The following NUDT10 variants were observed in gnomAD, a reference collection of about 807,000 sequenced individuals.
NUDT10 encodes the protein nudix hydrolase 10.
In NUDT10, 2 loss-of-function variants were observed where a neutral mutation model predicts 10.5. That is an observed-to-expected ratio of 0.19 (90% CI 0.08 to 0.60). NUDT10 has a LOEUF of 0.60. Ranked by LOEUF, NUDT10 falls within the 20% of genes least tolerant of loss-of-function variation. The pLI, the probability that NUDT10 is intolerant of heterozygous loss-of-function variation, is 0.89. For synonymous variants in NUDT10, 53 were observed against 71.8 expected (o/e 0.74, Z 1.32); for missense variants, 75 against 149.5 (o/e 0.50, Z 2.60).
rs1922869987 is a variant in NUDT10 at position 51,337,318 on chromosome X, C to T, written c.*1079C>T. On this transcript the variant is annotated 3_prime_UTR_variant, in exon 2 of 2. Transcript: ENST00000356450. Reference sequence around the variant, plus strand: ...AAAGAAGGGTCCTCATCTACATTCTCAAACATCTGTGGCTGATATGATATG... The same window carrying T: ...AAAGAAGGGTCCTCATCTACATTCTTAAACATCTGTGGCTGATATGATATG... The T allele has an allele frequency of 8.9e-6, 1 of 111,808 alleles. No homozygotes were observed. The highest frequency in any genetic ancestry group is 9.5e-5 in the Admixed American group (1 of 10,535). The allele number at this position is 111,808 out of a possible 1,213,427, so 9.2% of individuals were successfully genotyped here.
chrX:51,337,337 T>C lies in NUDT10; in HGVS notation c.*1098T>C, dbSNP rs1922871363. The C allele has an allele frequency of 8.9e-6, 1 of 111,796 alleles. No individual in the cohort carries two copies. The highest frequency in any genetic ancestry group is 1.9e-5 in the Non-Finnish European group (1 of 53,183). 9.2% of individuals were successfully genotyped at this position (111,796 alleles called of 1,213,427 possible). A position where few individuals can be genotyped will look rare whatever the true frequency, so the allele number is the denominator to read the frequency against. On this transcript the variant is annotated 3_prime_UTR_variant, in exon 2 of 2. Coordinates refer to ENST00000356450, the MANE Select transcript of NUDT10 (RefSeq NM_001304963.2). The stretch of plus-strand genomic sequence containing the variant: ...CATTCTCAAACATCTGTGGCTGATA[T>C]GATATGATTCTTGGAATTTGCTTCA...
rs781783705 is a variant in NUDT10, at chrX:51,333,009, G to T, written c.44G>T (p.Gly15Val). ...CAGACACGGACCTACGACCCCGAGG[G>T]GTTCAAGAAGCGGGCGGCGTGCCTG... is the stretch of plus-strand genomic sequence containing the variant. ...PNQTRTYDPE[G>V]FKKRAACLCF... is the part of the protein sequence containing the mutation. Residue 15 changes from glycine to valine, a missense_variant, in exon 1 of 2, where the codon GGG becomes GTG. Transcript: ENST00000356450. 2 of 1,211,657 alleles carry T rather than the reference G, an allele frequency of 1.7e-6. No homozygotes were observed. Among genetic ancestry groups the T allele is most frequent in the South Asian group, 3.5e-5 (2 of 56,956 alleles).
At chrX:51,332,600 G>A (rs1337294978), upstream of NUDT10, among the ~76,000 whole-genome samples, 2 of 112,994 alleles carry the variant, frequency 1.8e-5, no homozygotes, top group African/African-American at 3.2e-5. Context: ...GAACGGGAGC[G>A]CGGACGCGCC....
At chrX:51,335,458 T>C (rs1331061992) in intron 1 of NUDT10, among the ~76,000 whole-genome samples, 1 of 112,032 alleles carries the variant, frequency 8.9e-6, no homozygotes, top group Non-Finnish European at 1.9e-5. Context: ...TTGCTCTGGA[T>C]GGTTAACATA....
intron 1 of NUDT10, among the ~76,000 whole-genome samples, chrX:51,334,976 C>T (rs1414769867): frequency 9.1e-6 from 1 of 110,350 alleles, no homozygotes. Flanking sequence ...TTCTGGATTT[C>T]ATCTCCCATG....
rs148453566 is a variant in NUDT10, at chrX:51,333,148, G to A, written c.183G>A (p.Ala61=). 3.1e-4 allele frequency: 376 copies of A among 1,208,654 alleles called. 1 individual carries two copies. Among genetic ancestry groups the A allele is most frequent in the Non-Finnish European group, 3.6e-4 (322 of 894,554 alleles). ...AGCCCGAGGAGGAGCCGGGCGGTGC[G>A]GCGGTCCGAGAGGTGTACGAAGAGG... ...GMEPEEEPGG[A]AVREVYEEAG... Residue 61 remains alanine, a synonymous_variant, in exon 1 of 2, where the codon GCG becomes GCA. Coordinates refer to ENST00000356450, the MANE Select transcript of NUDT10 (RefSeq NM_001304963.2).
chrX:51,333,764 T>TGGGGGGGG (rs1922757702), intron 1 of NUDT10, among the ~76,000 whole-genome samples: 1 of 8,353 alleles, frequency 1.2e-4, no homozygotes, highest in Admixed American at 2.5e-3. Flanking sequence ...GGGGGGGGGG[T>TGGGGGGGG]GGGGGGCGAG....
Position 51,337,359 on chromosome X carries a change from T to C in NUDT10, c.*1120T>C, listed in dbSNP as rs1243596768. 1 of 111,923 alleles carries C rather than the reference T, an allele frequency of 8.9e-6. No individual in the cohort carries two copies. Among genetic ancestry groups the C allele is most frequent in the Non-Finnish European group, 1.9e-5 (1 of 53,217 alleles). 9.2% of individuals were successfully genotyped at this position (111,923 alleles called of 1,213,427 possible). A position where few individuals can be genotyped will look rare whatever the true frequency, so the allele number is the denominator to read the frequency against. On this transcript the variant is annotated 3_prime_UTR_variant, in exon 2 of 2. Coordinates refer to ENST00000356450, the MANE Select transcript of NUDT10 (RefSeq NM_001304963.2). ...ATATGATATGATTCTTGGAATTTGC[T>C]TCAAAATAATAAGTCTGGATGTTAA...
At chrX:51,332,735 T>C, upstream of NUDT10, 2 of 443,634 alleles carry the variant, frequency 4.5e-6, no homozygotes, top group East Asian at 4.2e-5. Flanking sequence ...ACTGGCGGAC[T>C]GGCTGACTGA....
chrX:51,333,602 C>A, intron 1 of NUDT10, 143 bp downstream of exon 1: 1 of 890,859 alleles, frequency 1.1e-6, no homozygotes, highest in Non-Finnish European at 1.5e-6. Flanking sequence ...CTGAATCACG[C>A]TTGCAAACTG....
chrX:51,335,244 G>A (rs1445430649), intron 1 of NUDT10, among the ~76,000 whole-genome samples: 5 of 105,487 alleles, frequency 4.7e-5, no homozygotes, highest in African/African-American at 1.7e-4. Context: ...CTTGATCCCG[G>A]GAGGCGGAGG....
intron 1 of NUDT10, among the ~76,000 whole-genome samples, chrX:51,335,398 T>C (rs1922815136): frequency 9.0e-6 from 1 of 111,200 alleles, no homozygotes; most frequent in Non-Finnish European, 1.9e-5. Flanking sequence ...AAAAAAAATT[T>C]GAAGACGACA....
intron 1 of NUDT10, among the ~76,000 whole-genome samples, chrX:51,334,425 A>G (rs1320369838): frequency 8.9e-6 from 1 of 112,169 alleles, no homozygotes; most frequent in Non-Finnish European, 1.9e-5. Flanking sequence ...TTTCCATTCC[A>G]TATTTGAATG....
At chrX:51,334,853 G>T (rs1482079720) in intron 1 of NUDT10, among the ~76,000 whole-genome samples, 1 of 111,322 alleles carries the variant, frequency 9.0e-6, no homozygotes, top group Non-Finnish European at 1.9e-5. Context: ...TTATTGACAG[G>T]TATTGGGGTC....
At chrX:51,332,299 G>A (rs1151715), upstream of NUDT10, 40,261 of 111,811 alleles carry the variant, frequency 0.36, 5,487 homozygotes, top group African/African-American at 0.41. Context: ...TGTCTTGTGT[G>A]AAACAACTGC....
At position 51,333,408 on chromosome X, in the gene NUDT10, C is replaced by T. The variant is rs373586012; in HGVS notation, c.443C>T (p.Ser148Phe). 9 of 1,207,159 alleles carry T rather than the reference C, an allele frequency of 7.5e-6. No homozygotes were observed. Among genetic ancestry groups the T allele is most frequent in the East Asian group, 5.9e-5 (2 of 33,700 alleles). Residue 148 changes from serine to phenylalanine, a missense_variant, in exon 1 of 2, where the codon TCC becomes TTC. Coordinates refer to ENST00000356450, the MANE Select transcript of NUDT10 (RefSeq NM_001304963.2). Reference sequence around the variant, plus strand: ...CTGGAGAAACTAAAGCTGGGCGGTTCCCCAACCAATGGAAACTCCATGGCC... The same window carrying T: ...CTGGAGAAACTAAAGCTGGGCGGTTTCCCAACCAATGGAAACTCCATGGCC... Reference protein sequence around the residue: ...EYLEKLKLGGSPTNGNSMAPS... With the variant: ...EYLEKLKLGGFPTNGNSMAPS...
chrX:51,333,247 C>T lies in NUDT10; in HGVS notation c.282C>T (p.Tyr94=), dbSNP rs372665651. 2.1e-5 allele frequency: 25 copies of T among 1,209,091 alleles called. No individual in the cohort carries two copies. The highest frequency in any genetic ancestry group is 2.6e-5 in the Non-Finnish European group (23 of 894,966). ...ACCAGGACCCCAAGCACAGAACGTACGTGTATGTACTGACTGTCACGGAGC... is the reference window on the plus strand; with the variant it reads ...ACCAGGACCCCAAGCACAGAACGTATGTGTATGTACTGACTGTCACGGAGC... ...EQNQDPKHRT[Y]VYVLTVTELL... Residue 94 remains tyrosine (Y), a synonymous_variant, in exon 1 of 2, where the codon TAC becomes TAT. Coordinates refer to ENST00000356450, the MANE Select transcript of NUDT10 (RefSeq NM_001304963.2).
At position 51,333,184 on chromosome X, in the gene NUDT10, G is replaced by C. The variant is rs375290507; in HGVS notation, c.219G>C (p.Lys73Asn). The C allele has an allele frequency of 8.3e-7, 1 of 1,209,011 alleles. No individual in the cohort carries two copies. Among genetic ancestry groups the C allele is most frequent in the African/African-American group, 1.8e-5 (1 of 56,874 alleles). The change falls in exon 1 of 2, where the codon AAG (lysine) becomes AAC (asparagine). Residue 73 changes from lysine to asparagine, a missense_variant. Lys to Asn is a moderately conservative substitution (Grantham distance 94, BLOSUM62 0). Transcript: ENST00000356450. ...AGGTGTACGAAGAGGCGGGAGTCAAGGGGAAGTTAGGCCGGCTCCTGGGCG... is the reference window on the plus strand; with the variant it reads ...AGGTGTACGAAGAGGCGGGAGTCAACGGGAAGTTAGGCCGGCTCCTGGGCG... ...VREVYEEAGV[K>N]GKLGRLLGVF... is the part of the protein sequence containing the mutation.
At chrX:51,332,762 C>A, upstream of NUDT10, 1 of 569,287 alleles carries the variant, frequency 1.8e-6, no homozygotes, top group Non-Finnish European at 2.7e-6. Flanking sequence ...TCGCTTGCCC[C>A]CGCCTCCGCC....
Sources: allele counts gnomAD v4.1 joint callset (sites outside exome capture counted in the v4.1 genomes callset), GRCh38; gene constraint gnomAD v4.1.1; transcripts MANE v1.5; gene names NCBI Gene and HGNC (gene_info 2026-07-23, HGNC 2026-07-21).